The following STMN2 variants were observed in gnomAD, a reference collection of about 807,000 sequenced individuals.
STMN2 encodes stathmin-2.
STMN2 carries 2 observed loss-of-function variants against 24.1 expected under a neutral mutation model. That is an observed-to-expected ratio of 0.08 (90% CI 0.03 to 0.26). The LOEUF is 0.26. STMN2 is among the 10% of genes least tolerant of loss of function. The pLI is 1.00. For missense variants in STMN2, 114 were observed against 213.6 expected (o/e 0.53, Z 2.91); for synonymous variants, 83 against 77.5 (o/e 1.07, Z -0.37).
At chr8:79,619,721 A>G (rs1446209198) in intron 1 of STMN2, among the ~76,000 whole-genome samples, 1 of 152,200 alleles carries the variant, frequency 6.6e-6, no homozygotes, top group African/African-American at 2.4e-5. Context: ...ATCTATTGTT[A>G]TTATTTAAGT....
At chr8:79,613,787 A>T (rs1198003232) in intron 1 of STMN2, 2 of 985,228 alleles carry the variant, frequency 2.0e-6, no homozygotes, top group Non-Finnish European at 2.4e-6. Context: ...TGTTCATTTT[A>T]AGTTATAAAG....
intron 1 of STMN2, among the ~76,000 whole-genome samples, chr8:79,627,081 C>A (rs1427385048): frequency 6.6e-6 from 1 of 152,094 alleles, no homozygotes; most frequent in Admixed American, 6.6e-5. Flanking sequence ...ATGTATATAT[C>A]CTCTGTTTGG....
In STMN2 at chr8:79,618,725, AAAGAT is replaced by A. The variant is rs1161681226; in HGVS notation, c.19+7514_19+7518del. 2.0e-5 allele frequency among the ~76,000 whole-genome samples: 3 copies of A among 152,226 alleles called. No individual in the cohort carries two copies. The South Asian group carries it at 6.2e-4, about 32-fold the overall frequency. On this transcript the variant is annotated intron_variant, in intron 1 of 4. Transcript: ENST00000220876. ...ATATCCATTTTTATTAGTCATGATT[AAAGAT>A]AACATTTGTGTACATTTGTTCTCAC...
Position 79,627,891 on chromosome 8 carries a change from A to C in STMN2, c.20-8911A>C, listed in dbSNP as rs918878555. Among the ~76,000 whole-genome samples the C allele has an allele frequency of 5.9e-5, 9 of 152,210 alleles. 1 individual carries two copies. The highest frequency in any genetic ancestry group is 5.9e-4 in the Admixed American group (9 of 15,276). ...CTGTTCCTGTCTTATTTCACTTGAC[A>C]TAATGTCCTTCAGGCTTATCCATGT... On this transcript the variant is annotated intron_variant, in intron 1 of 4. Transcript: ENST00000220876.
At chr8:79,633,838 G>A (rs1034084626) in intron 1 of STMN2, among the ~76,000 whole-genome samples, 1 of 152,166 alleles carries the variant, frequency 6.6e-6, no homozygotes, top group Admixed American at 6.5e-5. Flanking sequence ...GGCTCTAAAT[G>A]TGCTAGCTTC....
chr8:79,663,398 A>G (rs1369582651), intron 4 of STMN2, among the ~76,000 whole-genome samples: 1 of 152,150 alleles, frequency 6.6e-6, no homozygotes, highest in Non-Finnish European at 1.5e-5. Flanking sequence ...GGGGACAATA[A>G]TAGAATGTCC....
intron 1 of STMN2, among the ~76,000 whole-genome samples, chr8:79,628,023 T>C (rs1269242487): frequency 6.6e-6 from 1 of 152,188 alleles, no homozygotes; most frequent in Non-Finnish European, 1.5e-5. Context: ...TCATATTGAT[T>C]CCATATCTTG....
chr8:79,633,922 T>C (rs6473172), intron 1 of STMN2, among the ~76,000 whole-genome samples: 52,730 of 152,094 alleles, frequency 0.35, 9,287 homozygotes, highest in South Asian at 0.42. Context: ...CTGAAAATTA[T>C]TGAATTTAGT....
chr8:79,662,471 C>T (rs570064358), intron 4 of STMN2, among the ~76,000 whole-genome samples: 1 of 152,200 alleles, frequency 6.6e-6, no homozygotes, highest in South Asian at 2.1e-4. Flanking sequence ...TGGGAAATTA[C>T]ATGCTTCCTG....
At chr8:79,630,828 T>C (rs890565280) in intron 1 of STMN2, among the ~76,000 whole-genome samples, 4 of 152,194 alleles carry the variant, frequency 2.6e-5, no homozygotes, top group Non-Finnish European at 5.9e-5. Flanking sequence ...TGGCTTTGTC[T>C]CATTTAAGTC....
In STMN2 at chr8:79,631,755, A is replaced by T. The variant is rs193285411; in HGVS notation, c.20-5047A>T. Among the ~76,000 whole-genome samples the T allele has an allele frequency of 4.3e-3, 654 of 152,196 alleles. 5 individuals are homozygous for T. Among genetic ancestry groups the T allele is most frequent in the African/African-American group, 0.015 (631 of 41,520 alleles). On this transcript the variant is annotated intron_variant, in intron 1 of 4. Coordinates refer to ENST00000220876, the MANE Select transcript of STMN2 (RefSeq NM_007029.4). ...AAATGGGATTACATATCTGACTTTTAAAAAAAATTATCTGACCTTGAGTTA... is the reference window on the plus strand; with the variant it reads ...AAATGGGATTACATATCTGACTTTTTAAAAAAATTATCTGACCTTGAGTTA...
At chr8:79,654,832 T>G (rs755597020) in intron 3 of STMN2, 39 bp from the exon 4 acceptor site, 21 of 1,595,098 alleles carry the variant, frequency 1.3e-5, no homozygotes, top group Non-Finnish European at 1.8e-5. Flanking sequence ...TAGGTTTGTG[T>G]TTGGATAATT....
At chr8:79,660,110 G>A (rs747991222) in intron 4 of STMN2, among the ~76,000 whole-genome samples, 10 of 152,184 alleles carry the variant, frequency 6.6e-5, no homozygotes, top group Non-Finnish European at 1.2e-4. Context: ...GAGAAGGAAA[G>A]TATGTGGCAA....
intron 1 of STMN2, among the ~76,000 whole-genome samples, chr8:79,625,334 C>A (rs1051465641): frequency 9.2e-5 from 14 of 152,146 alleles, no homozygotes; most frequent in African/African-American, 3.4e-4. Flanking sequence ...GTATTGGGTA[C>A]TTACTGAGTC....
intron 1 of STMN2, chr8:79,613,782 A>G: frequency 1.0e-6 from 1 of 985,282 alleles, no homozygotes; most frequent in Non-Finnish European, 1.2e-6. Flanking sequence ...CCAGTTGTTC[A>G]TTTTAAGTTA....
chr8:79,611,332 A>G, intron 1 of STMN2, 118 bp downstream of exon 1: 1 of 1,386,668 alleles, frequency 7.2e-7, no homozygotes, highest in Non-Finnish European at 1.0e-6. Flanking sequence ...TAATGGTAAC[A>G]CAGGACCAGG....
intron 1 of STMN2, among the ~76,000 whole-genome samples, chr8:79,627,368 C>T (rs572693781): frequency 4.1e-4 from 63 of 152,184 alleles, no homozygotes; most frequent in African/African-American, 1.5e-3. Context: ...ATGTTTATGA[C>T]CAAGTCATAT....
In STMN2 at chr8:79,631,358, A is replaced by G. The variant is rs1023742646; in HGVS notation, c.20-5444A>G. On this transcript the variant is annotated intron_variant, in intron 1 of 4. Transcript: ENST00000220876. ...TGATATCCATTCCCATAGAAAAACT[A>G]TAATGCTTTGGTTGGTCAAAATATT... 51 of 859,198 alleles carry G rather than the reference A, an allele frequency of 5.9e-5. No individual in the cohort carries two copies. In the East Asian group the frequency reaches 8.5e-4, roughly 14 times the overall value. 53.2% of individuals were successfully genotyped at this position (859,198 alleles called of 1,614,324 possible). A position where few individuals can be genotyped will look rare whatever the true frequency, so the allele number is the denominator to read the frequency against.
intron 1 of STMN2, among the ~76,000 whole-genome samples, chr8:79,630,855 T>C (rs1049704105): frequency 3.9e-5 from 6 of 152,086 alleles, no homozygotes; most frequent in Non-Finnish European, 8.8e-5. Context: ...AATCTAGCTA[T>C]CATTTTAGGT....
Sources: allele counts gnomAD v4.1 joint callset (sites outside exome capture counted in the v4.1 genomes callset), GRCh38; gene constraint gnomAD v4.1.1; transcripts MANE v1.5; gene names NCBI Gene and HGNC (gene_info 2026-07-23, HGNC 2026-07-21).